Variants in URB1 observed in about 807,000 individuals in gnomAD.
The protein encoded by URB1 is URB1 ribosome biogenesis factor.
URB1 carries 197 observed loss-of-function variants against 242.3 expected under a neutral mutation model. The observed-to-expected ratio is 0.81, with a 90% confidence interval of 0.72 to 0.91. The LOEUF (loss-of-function observed/expected upper bound fraction) is 0.91, where lower values mean the gene tolerates loss of function less well. URB1 is among the 40% of genes least tolerant of loss of function. URB1 has a pLI of 0.00. For missense variants in URB1, 2,721 were observed against 2,860.5 expected (o/e 0.95, Z 1.11); for synonymous variants, 1,153 against 1,201.8 (o/e 0.96, Z 0.84).
Position 32,344,653 on chromosome 21 carries a change from C to CGA in URB1, c.4172_4173dup (p.Val1392SerfsTer25). On this transcript the variant is annotated frameshift_variant, in exon 24 of 39. Coordinates refer to ENST00000382751, the MANE Select transcript of URB1 (RefSeq NM_014825.3). LOFTEE classifies it high-confidence loss of function. The stretch of plus-strand genomic sequence containing the variant: ...TCTTGCTGTCCACCACTGAAAGACA[C>CGA]GATCAGCCACTTCACACAGGACTCC... 1 of 1,552,352 alleles carries CGA rather than the reference C, an allele frequency of 6.4e-7. No homozygotes were observed. Among genetic ancestry groups the CGA allele is most frequent in the Non-Finnish European group, 8.7e-7 (1 of 1,147,146 alleles).
chr21:32,363,294 G>T lies in URB1; in HGVS notation c.1371C>A (p.Ser457=). Reference sequence around the variant, plus strand: ...CCCTCTTCAAAATGACAGAAATAAGGGATAAGGCTGTGTGCCTCACTGAGG... The same window carrying T: ...CCCTCTTCAAAATGACAGAAATAAGTGATAAGGCTGTGTGCCTCACTGAGG... The part of the protein sequence containing the change: ...DSTSVRHTAL[S]LISVILKRAL... The change falls in exon 11 of 39, where the codon TCC becomes TCA. Residue 457 remains serine (S), a synonymous_variant. Transcript: ENST00000382751. 1 of 1,551,684 alleles carries T rather than the reference G, an allele frequency of 6.4e-7. No homozygotes were observed. The highest frequency in any genetic ancestry group is 8.7e-7 in the Non-Finnish European group (1 of 1,147,026).
chr21:32,345,272 G>A (rs1190928871), intron 23 of URB1, 102 bp downstream of exon 23: 2 of 1,275,220 alleles, frequency 1.6e-6, no homozygotes, highest in African/African-American at 1.5e-5. Context: ...CACAGATGGG[G>A]CACAACAGTA....
chr21:32,357,743 T>C (rs1267054594), intron 14 of URB1, 87 bp from the exon 15 acceptor site: 4 of 1,073,456 alleles, frequency 3.7e-6, no homozygotes, highest in Non-Finnish European at 4.6e-6. Context: ...AAACATACCA[T>C]GGGGCCAGGC....
Position 32,368,396 on chromosome 21 carries a change from T to A in URB1, c.1197+7A>T. ...CTAACAGACTTTTAAATATCATGTT[T>A]TTTTACCTTGTTTAGTAGTTTGATA... On this transcript the variant is annotated splice_region_variant and intron_variant, in intron 9 of 38. Transcript: ENST00000382751. 1 of 1,531,450 alleles carries A rather than the reference T, an allele frequency of 6.5e-7. No homozygotes were observed. The highest frequency in any genetic ancestry group is 1.4e-5 in the African/African-American group (1 of 72,400). The allele number at this position is 1,531,450 out of a possible 1,614,324, so 94.9% of individuals were successfully genotyped here.
intron 8 of URB1, 69 bp from the exon 9 acceptor site, chr21:32,368,667 A>ACG (rs1965602285): frequency 7.5e-7 from 1 of 1,333,402 alleles, no homozygotes; most frequent in Non-Finnish European, 1.0e-6. Context: ...GCTCATGGTG[A>ACG]CGTGCAGCTC....
intron 30 of URB1, among the ~76,000 whole-genome samples, chr21:32,332,058 A>G (rs1459093057): frequency 6.6e-6 from 1 of 152,244 alleles, no homozygotes; most frequent in African/African-American, 2.4e-5. Flanking sequence ...ACCAACAGTC[A>G]CAAGCGGGAC....
At chr21:32,334,428 C>T in intron 28 of URB1, 94 bp from the exon 29 acceptor site, 5 of 1,358,086 alleles carry the variant, frequency 3.7e-6, no homozygotes, top group Non-Finnish European at 4.9e-6. Flanking sequence ...TGTCAGGCTG[C>T]CAGTTCACAC....
Position 32,311,824 on chromosome 21 carries a change from G to C in URB1, c.*3094C>G, listed in dbSNP as rs1415709759. 6 of 1,613,968 alleles carry C rather than the reference G, an allele frequency of 3.7e-6. No homozygotes were observed. The highest frequency in any genetic ancestry group is 1.7e-5 in the Admixed American group (1 of 60,026). ...GCGAGCTCAGTGGAGCCAGGGAGCA[G>C]AACTGGCCCTGACCAGCCGCTACGA... is the stretch of plus-strand genomic sequence containing the variant. On this transcript the variant is annotated 3_prime_UTR_variant, in exon 39 of 39. Coordinates refer to ENST00000382751, the MANE Select transcript of URB1 (RefSeq NM_014825.3).
At chr21:32,326,429 C>G (rs763919053) in intron 30 of URB1, among the ~76,000 whole-genome samples, 1 of 152,166 alleles carries the variant, frequency 6.6e-6, no homozygotes, top group Non-Finnish European at 1.5e-5. Context: ...AGCAGGGACA[C>G]AGAAGATACA....
chr21:32,391,045 C>T (rs1009547924), intron 1 of URB1, among the ~76,000 whole-genome samples: 5 of 152,068 alleles, frequency 3.3e-5, no homozygotes, highest in East Asian at 1.9e-4. Flanking sequence ...CCATAAAAAA[C>T]GATGAGTTCA....
intron 30 of URB1, among the ~76,000 whole-genome samples, chr21:32,326,121 C>G (rs2032826724): frequency 6.6e-6 from 1 of 152,162 alleles, no homozygotes; most frequent in Admixed American, 6.6e-5. Context: ...ACCTAGAGGG[C>G]TCTTCACTAA....
In URB1 at chr21:32,320,565, G is replaced by C; in HGVS notation, c.5560C>G (p.Leu1854Val). 1.9e-6 allele frequency: 3 copies of C among 1,552,080 alleles called. No homozygotes were observed. Among genetic ancestry groups the C allele is most frequent in the Non-Finnish European group, 2.6e-6 (3 of 1,147,060 alleles). ...AGGATGTGTAAAATCCATGTTAAAA[G>C]GCTATAGTCTCGTATGATTTCATAC... ...SAYEIIRDYSLLTWILHILES... is the reference protein window; with the variant it reads ...SAYEIIRDYSVLTWILHILES... The change falls in exon 35 of 39, where the codon CTT becomes GTT. Residue 1854 changes from leucine to valine, a missense_variant. Physicochemically the swap from Leu to Val is conservative, Grantham distance 32 (BLOSUM62 1). Transcript: ENST00000382751.
Position 32,325,232 on chromosome 21 carries a change from G to A in URB1, c.5118C>T (p.Ser1706=). Residue 1706 remains serine, a synonymous_variant, in exon 31 of 39, where the codon TCC becomes TCT. Coordinates refer to ENST00000382751, the MANE Select transcript of URB1 (RefSeq NM_014825.3). ...GATGTACGCTCTTCCTACTTACCTG[G>A]GACTGCTCTTGGAACCGTGCGCCCT... ...HLEGARFQEQ[S]QLLYLLDVVR... 2 of 1,550,152 alleles carry A rather than the reference G, an allele frequency of 1.3e-6. No homozygotes were observed. Among genetic ancestry groups the A allele is most frequent in the South Asian group, 1.2e-5 (1 of 84,004 alleles).
chr21:32,347,412 G>C lies in URB1; in HGVS notation c.3412C>G (p.Gln1138Glu). Residue 1138 changes from glutamine to glutamate, a missense_variant, in exon 22 of 39, where the codon CAG becomes GAG. Physicochemically the swap from Gln to Glu is conservative, Grantham distance 29 (BLOSUM62 2). Coordinates refer to ENST00000382751, the MANE Select transcript of URB1 (RefSeq NM_014825.3). ...TTCCCGGGGGATTTCGTGGGTTGCT[G>C]GGTCACCAGGTGTGTCTCAGGCAGG... ...LSLPETHLVT[Q>E]QPTKSPGKER... 6.4e-7 allele frequency: 1 copy of C among 1,551,534 alleles called. No individual in the cohort carries two copies. Among genetic ancestry groups the C allele is most frequent in the East Asian group, 2.4e-5 (1 of 40,906 alleles).
intron 30 of URB1, 147 bp from the exon 31 acceptor site, chr21:32,325,536 A>T (rs1307302612): frequency 9.2e-7 from 1 of 1,082,004 alleles, no homozygotes; most frequent in Non-Finnish European, 1.3e-6. Flanking sequence ...ACTCCTCCTA[A>T]CTTCTGCTGA....
In URB1 at chr21:32,357,636, A is replaced by G; in HGVS notation, c.1890T>C (p.Ile630=). Reference sequence around the variant, plus strand: ...AAAATACTGATCGTTCACCTCCAATAATTTCTGCATCTGGGCCTTCCTAGA... The same window carrying G: ...AAAATACTGATCGTTCACCTCCAATGATTTCTGCATCTGGGCCTTCCTAGA... ...LKAQEGPDAE[I]IGGERSVFYL... The change falls in exon 15 of 39, where the codon ATT becomes ATC. Residue 630 remains isoleucine (I), a synonymous_variant. Coordinates refer to ENST00000382751, the MANE Select transcript of URB1 (RefSeq NM_014825.3). The G allele has an allele frequency of 1.3e-6, 2 of 1,504,654 alleles. No individual in the cohort carries two copies. Among genetic ancestry groups the G allele is most frequent in the African/African-American group, 1.4e-5 (1 of 70,884 alleles). 93.2% of individuals were successfully genotyped at this position (1,504,654 alleles called of 1,614,324 possible).
chr21:32,353,469 C>T (rs775809585), intron 18 of URB1, among the ~76,000 whole-genome samples: 1 of 152,156 alleles, frequency 6.6e-6, no homozygotes. Context: ...TAGAAACAGA[C>T]CCTTATTTAT....
chr21:32,362,132 A>G, intron 11 of URB1, 111 bp from the exon 12 acceptor site: 3 of 1,360,580 alleles, frequency 2.2e-6, no homozygotes, highest in Non-Finnish European at 2.0e-6. Context: ...GCGAGTCTAG[A>G]GGAGTGCGTG....
intron 30 of URB1, among the ~76,000 whole-genome samples, chr21:32,325,759 C>T (rs1458613898): frequency 6.6e-6 from 1 of 152,134 alleles, no homozygotes; most frequent in Non-Finnish European, 1.5e-5. Flanking sequence ...GAAAATCAGT[C>T]CCCAGCTTCC....
Sources: allele counts gnomAD v4.1 joint callset (sites outside exome capture counted in the v4.1 genomes callset), GRCh38; gene constraint gnomAD v4.1.1; transcripts MANE v1.5; gene names NCBI Gene and HGNC (gene_info 2026-07-23, HGNC 2026-07-21).